Variants in ZSCAN2 observed in about 807,000 individuals in gnomAD.
ZSCAN2 encodes zinc finger and SCAN domain-containing protein 2.
In ZSCAN2, 26 loss-of-function variants were observed where a neutral mutation model predicts 47.8. That is an observed-to-expected ratio of 0.54 (90% CI 0.40 to 0.75). The LOEUF (loss-of-function observed/expected upper bound fraction) is 0.75. Among genes scored for constraint, ZSCAN2 ranks in the 30% least tolerant of loss-of-function variants. The pLI, the probability that ZSCAN2 is intolerant of heterozygous loss-of-function variation, is 0.00. For synonymous variants in ZSCAN2, 305 were observed against 288.7 expected (o/e 1.06, Z -0.57); for missense variants, 732 against 785.4 (o/e 0.93, Z 0.81).
intron 2 of ZSCAN2, among the ~76,000 whole-genome samples, chr15:84,609,566 A>G (rs1035813336): frequency 7.2e-5 from 11 of 152,208 alleles, no homozygotes; most frequent in Non-Finnish European, 1.2e-4. Context: ...CGTTATACCT[A>G]TGAAATGTTT....
Position 84,617,531 on chromosome 15 carries a change from C to T in ZSCAN2, c.407-3071C>T, listed in dbSNP as rs58828623. On this transcript the variant is annotated intron_variant, in intron 2 of 2. Coordinates refer to ENST00000546148, the MANE Select transcript of ZSCAN2 (RefSeq NM_181877.4). ...GTGCCCCTTGTGCCTGTATCTGTCC[C>T]CTAGTGATATGAGGGGTGGGGCTGG... 2.9e-3 allele frequency among the ~76,000 whole-genome samples: 444 copies of T among 151,830 alleles called. 4 individuals carry two copies. Among genetic ancestry groups the T allele is most frequent in the African/African-American group, 9.7e-3 (401 of 41,476 alleles).
At chr15:84,604,401 G>T in intron 2 of ZSCAN2, 68 bp downstream of exon 2, 2 of 1,524,604 alleles carry the variant, frequency 1.3e-6, no homozygotes, top group Non-Finnish European at 1.8e-6. Context: ...GTGGTGTTTC[G>T]GAGGAGGAGA....
chr15:84,621,780 C>T lies in ZSCAN2; in HGVS notation c.1585C>T (p.Pro529Ser). Residue 529 changes from proline to serine, a missense_variant, in exon 3 of 3, where the codon CCC (proline) becomes TCC (serine). By Grantham distance (74) the Pro-to-Ser change is moderately conservative. This residue lies in a region of ZSCAN2 where 412 missense variants were observed against 498.0 expected (regional missense o/e 0.83). Transcript: ENST00000546148. The surrounding 1 kb of genome is among the most constrained non-coding windows in gnomAD (Gnocchi z 5.7). ...VHQRTHTGEKPYKCLMCGKSF... is the reference protein window; with the variant it reads ...VHQRTHTGEKSYKCLMCGKSF... ...CCAGCGGACCCACACGGGCGAGAAGCCCTACAAATGCCTCATGTGCGGCAA... is the reference window on the plus strand; with the variant it reads ...CCAGCGGACCCACACGGGCGAGAAGTCCTACAAATGCCTCATGTGCGGCAA... 6.2e-7 allele frequency: 1 copy of T among 1,614,248 alleles called. No homozygotes were observed. The highest frequency in any genetic ancestry group is 8.5e-7 in the Non-Finnish European group (1 of 1,180,052).
Position 84,604,248 on chromosome 15 carries a change from G to C in ZSCAN2, c.321G>C (p.Gln107His), listed in dbSNP as rs373556473. Residue 107 changes from glutamine to histidine, a missense_variant, in exon 2 of 3, where the codon CAG becomes CAC. This residue lies in a region of ZSCAN2 where 320 missense variants were observed against 287.4 expected (regional missense o/e 1.11). Transcript: ENST00000546148. The stretch of plus-strand genomic sequence containing the variant: ...TAACCATGCTGCCAAAGGAAATTCA[G>C]GCTTGGCTGCAAGAGCATCGGCCTG... ...QMLTMLPKEI[Q>H]AWLQEHRPES... 4 of 1,614,036 alleles carry C rather than the reference G, an allele frequency of 2.5e-6. No individual in the cohort carries two copies. In the African/African-American group the frequency reaches 5.3e-5, roughly 22 times the overall value.
Position 84,620,779 on chromosome 15 carries a change from AC to A in ZSCAN2, c.586del (p.His196ThrfsTer15). 6.2e-7 allele frequency: 1 copy of A among 1,614,206 alleles called. No homozygotes were observed. Among genetic ancestry groups the A allele is most frequent in the Non-Finnish European group, 8.5e-7 (1 of 1,180,046 alleles). On this transcript the variant is annotated frameshift_variant, in exon 3 of 3. Coordinates refer to ENST00000546148, the MANE Select transcript of ZSCAN2 (RefSeq NM_181877.4). LOFTEE classifies it high-confidence loss of function. ...QRLQGHSPGE[D>X]HGEVVSQDRE... ...CTCCAGGGACACAGCCCAGGTGAGG[AC>A]CACGGGGAGGTGGTTTCTCAGGACA...
chr15:84,609,913 CAT>C (rs1895495006), intron 2 of ZSCAN2, among the ~76,000 whole-genome samples: 1 of 152,232 alleles, frequency 6.6e-6, no homozygotes, highest in African/African-American at 2.4e-5. Context: ...CCCCTATTGA[CAT>C]GAGTCTTCCC....
In ZSCAN2 at chr15:84,616,257, AC is replaced by A; in HGVS notation, c.407-4343del. ...ATCTCAAAAAAATAAATAAATAAAT[AC>A]CTTGGATTAATGTGCGTGGGTCAAA... On this transcript the variant is annotated intron_variant, in intron 2 of 2. Coordinates refer to ENST00000546148, the MANE Select transcript of ZSCAN2 (RefSeq NM_181877.4). The A allele has an allele frequency of 3.3e-6, 3 of 918,466 alleles. No homozygotes were observed. The South Asian group carries it at 4.0e-5, about 12-fold the overall frequency. 56.9% of individuals were successfully genotyped at this position (918,466 alleles called of 1,614,324 possible).
intron 2 of ZSCAN2, chr15:84,606,707 T>C (rs1895392423): frequency 6.8e-7 from 1 of 1,469,458 alleles, no homozygotes; most frequent in Non-Finnish European, 9.0e-7. Flanking sequence ...CAGAGGTGAT[T>C]ACAGCCCTTC....
chr15:84,608,202 C>T (rs1895438841), intron 2 of ZSCAN2, among the ~76,000 whole-genome samples: 1 of 152,154 alleles, frequency 6.6e-6, no homozygotes, highest in Admixed American at 6.5e-5. Flanking sequence ...GTATCATGAA[C>T]CTCGGAGCCC....
chr15:84,615,270 A>G (rs1056906099), intron 2 of ZSCAN2, among the ~76,000 whole-genome samples: 1 of 151,782 alleles, frequency 6.6e-6, no homozygotes, highest in Admixed American at 6.6e-5. Flanking sequence ...TACTAGTTCT[A>G]TTGCTTTGTT....
At chr15:84,606,927 A>G in intron 2 of ZSCAN2, 1 of 1,030,814 alleles carries the variant, frequency 9.7e-7, no homozygotes, top group Non-Finnish European at 1.2e-6. Flanking sequence ...TCCCTTCTCA[A>G]ACATTTACTC....
At chr15:84,601,627 T>C (rs1895205358) in intron 1 of ZSCAN2, among the ~76,000 whole-genome samples, 1 of 152,186 alleles carries the variant, frequency 6.6e-6, no homozygotes, top group Admixed American at 6.5e-5. Context: ...CCTTTTTTTT[T>C]TAAGCTTTTG....
chr15:84,617,114 C>G (rs1284906642), intron 2 of ZSCAN2, among the ~76,000 whole-genome samples: 2 of 123,450 alleles, frequency 1.6e-5, no homozygotes, highest in African/African-American at 6.7e-5. Context: ...AAGAGCGAAA[C>G]TCTGTCTCAA....
At chr15:84,619,703 C>G (rs1187297421) in intron 2 of ZSCAN2, among the ~76,000 whole-genome samples, 1 of 152,136 alleles carries the variant, frequency 6.6e-6, no homozygotes, top group African/African-American at 2.4e-5. Flanking sequence ...CTCATTCATG[C>G]ACTCATTACA....
chr15:84,603,269 G>C (rs1262791919), intron 1 of ZSCAN2, among the ~76,000 whole-genome samples: 3 of 152,018 alleles, frequency 2.0e-5, no homozygotes, highest in African/African-American at 7.2e-5. Context: ...AGAGTCCTCA[G>C]TATTTCAGTC....
intron 2 of ZSCAN2, among the ~76,000 whole-genome samples, chr15:84,608,406 G>A (rs991338091): frequency 6.6e-6 from 1 of 151,884 alleles, no homozygotes; most frequent in Non-Finnish European, 1.5e-5. Flanking sequence ...GGTGGCATGT[G>A]CCTGTAATCC....
chr15:84,608,058 A>ATGAATACTTGTCTTATTTCT (rs1279144472), intron 2 of ZSCAN2, among the ~76,000 whole-genome samples: 2 of 152,132 alleles, frequency 1.3e-5, no homozygotes, highest in African/African-American at 4.8e-5. Flanking sequence ...TTCTGTTTAT[A>ATGAATACTTGTCTTATTTCT]TGAATACTTG....
rs572312471 is a variant in ZSCAN2 at position 84,606,746 on chromosome 15, C to T, written c.406+2413C>T. The T allele has an allele frequency of 2.9e-6, 4 of 1,383,880 alleles. No individual in the cohort carries two copies. The South Asian group carries it at 5.2e-5, about 18-fold the overall frequency. 85.7% of individuals were successfully genotyped at this position (1,383,880 alleles called of 1,614,324 possible). ...TCCACCTTGCAGCAGGGGCTTTGTG[C>T]CTTTCATCTTTAACTGGGCACCTGA... On this transcript the variant is annotated intron_variant, in intron 2 of 2. Transcript: ENST00000546148.
chr15:84,615,174 G>A lies in ZSCAN2; in HGVS notation c.407-5428G>A, dbSNP rs1282919332. ...TTTCACCATATTGGCCAGGCTGATC[G>A]TGAACTGCTGACCTTGTGATCCGCC... On this transcript the variant is annotated intron_variant, in intron 2 of 2. Coordinates refer to ENST00000546148, the MANE Select transcript of ZSCAN2 (RefSeq NM_181877.4). Among the ~76,000 whole-genome samples, 3 of 152,004 alleles carry A rather than the reference G, an allele frequency of 2.0e-5. 1 individual carries two copies. The highest frequency in any genetic ancestry group is 4.4e-5 in the Non-Finnish European group (3 of 67,996).
Sources: allele counts gnomAD v4.1 joint callset (sites outside exome capture counted in the v4.1 genomes callset), GRCh38; gene constraint gnomAD v4.1.1; regional missense constraint gnomAD v4.1.1; non-coding constraint Gnocchi (gnomAD v3.1); transcripts MANE v1.5; gene names NCBI Gene and HGNC (gene_info 2026-07-23, HGNC 2026-07-21).